DSCAM: variants seen among roughly 807,000 people sequenced by gnomAD.
DSCAM encodes the protein DS cell adhesion molecule.
DSCAM carries 47 observed loss-of-function variants against 217.7 expected under a neutral mutation model. The observed-to-expected ratio is 0.22, with a 90% CI of 0.17 to 0.28. The LOEUF (loss-of-function observed/expected upper bound fraction) is 0.28, where lower values mean the gene tolerates loss of function less well. Ranked by LOEUF, DSCAM falls within the 10% of genes least tolerant of loss-of-function variation. The pLI is 1.00. For missense variants in DSCAM, 2,080 were observed against 2,618.3 expected, an observed-to-expected ratio of 0.79 and a Z score of 4.49; for synonymous variants, 1,056 against 1,015.3, an observed-to-expected ratio of 1.04 and a Z score of -0.76.
chr21:40,555,002 A>T (rs2076659936), intron 3 of DSCAM, among the ~76,000 whole-genome samples: 1 of 152,240 alleles, frequency 6.6e-6, no homozygotes, highest in Non-Finnish European at 1.5e-5. Context: ...GCATTCAGTA[A>T]ATGGTGGATG....
At chr21:40,267,697 G>GA (rs1423989370) in intron 11 of DSCAM, among the ~76,000 whole-genome samples, 1 of 152,160 alleles carries the variant, frequency 6.6e-6, no homozygotes, top group Non-Finnish European at 1.5e-5. Flanking sequence ...AGGAGTTTGA[G>GA]ACCAGCCTGG....
intron 3 of DSCAM, among the ~76,000 whole-genome samples, chr21:40,540,657 G>C (rs1459109152): frequency 6.6e-6 from 1 of 152,076 alleles, no homozygotes; most frequent in Non-Finnish European, 1.5e-5. Context: ...AAAAGAGAGG[G>C]GGTGCTGCTT....
intron 3 of DSCAM, among the ~76,000 whole-genome samples, chr21:40,442,203 T>C (rs2075636381): frequency 6.6e-6 from 1 of 152,158 alleles, no homozygotes; most frequent in African/African-American, 2.4e-5. Flanking sequence ...TGTTAGGCAC[T>C]GCACAATCCT....
At chr21:40,529,146 C>T (rs2076423878) in intron 3 of DSCAM, among the ~76,000 whole-genome samples, 3 of 151,864 alleles carry the variant, frequency 2.0e-5, no homozygotes, top group African/African-American at 4.8e-5. Context: ...CCTCGTGATC[C>T]GCCCTCCTCA....
intron 15 of DSCAM, among the ~76,000 whole-genome samples, chr21:40,175,780 TAC>T (rs35339524): frequency 5.7e-4 from 83 of 144,938 alleles, no homozygotes; most frequent in Middle Eastern, 7.1e-3. Context: ...AACACACACA[TAC>T]ACACACACAC....
chr21:40,128,891 G>T (rs2090125863), intron 19 of DSCAM, among the ~76,000 whole-genome samples: 2 of 152,118 alleles, frequency 1.3e-5, no homozygotes, highest in East Asian at 1.9e-4. Flanking sequence ...AACGTGTTAA[G>T]GTTGTAGCAA....
intron 1 of DSCAM, among the ~76,000 whole-genome samples, chr21:40,763,327 T>G (rs760457374): frequency 6.6e-6 from 1 of 152,008 alleles, no homozygotes; most frequent in Non-Finnish European, 1.5e-5. Context: ...AAATCATGAG[T>G]GAACTCCCAT....
intron 1 of DSCAM, among the ~76,000 whole-genome samples, chr21:40,822,992 A>C (rs2091941263): frequency 6.6e-6 from 1 of 152,104 alleles, no homozygotes; most frequent in South Asian, 2.1e-4. Flanking sequence ...TCTACTAAAA[A>C]TACAAAAATT....
intron 3 of DSCAM, among the ~76,000 whole-genome samples, chr21:40,560,005 G>A (rs1260650126): frequency 2.0e-5 from 3 of 152,080 alleles, no homozygotes; most frequent in African/African-American, 4.8e-5. Context: ...GTGTTAGCCA[G>A]GATGGTCTCG....
At chr21:40,383,545 T>A (rs1037973039) in intron 3 of DSCAM, 1 of 152,144 alleles carries the variant, frequency 6.6e-6, no homozygotes, top group Non-Finnish European at 1.5e-5. Flanking sequence ...CTCACTGACT[T>A]AGGTGCCTCC....
intron 16 of DSCAM, among the ~76,000 whole-genome samples, chr21:40,159,089 C>T (rs1247687747): frequency 6.6e-6 from 1 of 152,210 alleles, no homozygotes; most frequent in African/African-American, 2.4e-5. Flanking sequence ...GGCTGGGGTT[C>T]TTCCTGTGAT....
At position 40,388,642 on chromosome 21, in the gene DSCAM, C is replaced by A. The variant is rs111384789; in HGVS notation, c.509-19397G>T. 6.0e-5 allele frequency among the ~76,000 whole-genome samples: 9 copies of A among 149,846 alleles called. No individual in the cohort carries two copies. In the East Asian group the frequency reaches 9.7e-4, roughly 16 times the overall value. On this transcript the variant is annotated intron_variant, in intron 3 of 32. Transcript: ENST00000400454. ...CACGGGAGTTAAGGCCATTTTAAAC[C>A]CCCCCTCCTCCACTGATAAACCAGC...
At chr21:40,810,569 G>A (rs573256839) in intron 1 of DSCAM, among the ~76,000 whole-genome samples, 26 of 152,216 alleles carry the variant, frequency 1.7e-4, no homozygotes, top group African/African-American at 6.0e-4. Flanking sequence ...AACCTCCCTG[G>A]ATTTCAGTTT....
chr21:40,533,133 T>C lies in DSCAM; in HGVS notation c.508+159677A>G, dbSNP rs967883575. Among the ~76,000 whole-genome samples, 4 of 152,206 alleles carry C rather than the reference T, an allele frequency of 2.6e-5. No homozygotes were observed. In the South Asian group the frequency reaches 6.2e-4, roughly 24 times the overall value. The stretch of plus-strand genomic sequence containing the variant: ...GGAATCTGAGTGAAAAGGGATTCTG[T>C]AGGTCCTAAGATTGTTTCAGGATAC... On this transcript the variant is annotated intron_variant, in intron 3 of 32. Transcript: ENST00000400454.
intron 3 of DSCAM, among the ~76,000 whole-genome samples, chr21:40,396,225 A>G (rs1418533954): frequency 6.6e-6 from 1 of 152,246 alleles, no homozygotes; most frequent in Non-Finnish European, 1.5e-5. Context: ...TCACAAAAAT[A>G]TGCTAAAATA....
At chr21:40,705,755 T>C (rs368219780) in intron 2 of DSCAM, among the ~76,000 whole-genome samples, 3 of 152,012 alleles carry the variant, frequency 2.0e-5, no homozygotes, top group African/African-American at 7.2e-5. Flanking sequence ...TCATTCAAGA[T>C]GAGATTTGGG....
At chr21:40,297,878 C>T (rs144369852) in intron 9 of DSCAM, among the ~76,000 whole-genome samples, 1 of 152,124 alleles carries the variant, frequency 6.6e-6, no homozygotes, top group African/African-American at 2.4e-5. Context: ...TTTTCTATTT[C>T]CTGTTGGGCA....
chr21:40,846,523 G>A (rs1289460770), intron 1 of DSCAM, 96 bp downstream of exon 1: 1 of 458,386 alleles, frequency 2.2e-6, no homozygotes, highest in Admixed American at 5.3e-5. Context: ...GAAAAAGAAA[G>A]AAGACTTTAC....
chr21:40,790,754 A>G (rs1011215153), intron 1 of DSCAM, among the ~76,000 whole-genome samples: 1 of 152,256 alleles, frequency 6.6e-6, no homozygotes. Flanking sequence ...CAAAAAATAA[A>G]TAAGAATTTG....
Sources: allele counts gnomAD v4.1 joint callset (sites outside exome capture counted in the v4.1 genomes callset), GRCh38; gene constraint gnomAD v4.1.1; transcripts MANE v1.5; gene names NCBI Gene and HGNC (gene_info 2026-07-23, HGNC 2026-07-21).